The following TTC39A variants were observed in gnomAD, a reference collection of about 807,000 sequenced individuals.
The protein encoded by TTC39A is tetratricopeptide repeat protein 39A.
TTC39A carries 46 observed loss-of-function variants against 82.3 expected under a neutral mutation model. That is an observed-to-expected ratio of 0.56 (90% CI 0.44 to 0.71). The LOEUF (loss-of-function observed/expected upper bound fraction) is 0.71. Ranked by LOEUF, TTC39A falls within the 30% of genes least tolerant of loss-of-function variation. The probability of loss-of-function intolerance (pLI) is 0.00; values close to 1 mark genes in which losing one functional copy is unlikely to be tolerated. For synonymous variants in TTC39A, 254 were observed against 275.2 expected (o/e 0.92, Z 0.76); for missense variants, 543 against 712.9 (o/e 0.76, Z 2.71).
In TTC39A at chr1:51,290,045, C is replaced by T. The variant is rs749735901; in HGVS notation, c.1453G>A (p.Val485Ile). Residue 485 changes from valine to isoleucine, a missense_variant, in exon 16 of 18, where the codon GTC (valine) becomes ATC (isoleucine). By Grantham distance (29) the Val-to-Ile change is conservative. Transcript: ENST00000680483. The part of the protein sequence containing the change: ...KGLCLKYLGR[V>I]QEAEENFRSI... The stretch of plus-strand genomic sequence containing the variant: ...CTAAAATTCTCCTCGGCCTCCTGGA[C>T]ACGGCCCAGGTATTTCAGACACAGG... 1 of 1,613,970 alleles carries T rather than the reference C, an allele frequency of 6.2e-7. No homozygotes were observed. The highest frequency in any genetic ancestry group is 8.5e-7 in the Non-Finnish European group (1 of 1,179,872).
upstream of TTC39A, among the ~76,000 whole-genome samples, chr1:51,334,073 T>C (rs961152595): frequency 3.3e-5 from 5 of 151,664 alleles, no homozygotes; most frequent in Non-Finnish European, 5.9e-5. Flanking sequence ...AGAATTCATA[T>C]ATAAGCTGAG....
Position 51,303,292 on chromosome 1 carries a change from G to GAGC in TTC39A, c.655-103_655-101dup, listed in dbSNP as rs1644748150. 1.9e-5 allele frequency: 20 copies of GAGC among 1,040,692 alleles called. No individual in the cohort carries two copies. The South Asian group carries it at 2.8e-4, about 15-fold the overall frequency. The allele number at this position is 1,040,692 out of a possible 1,614,324, so 64.5% of individuals were successfully genotyped here. ...CAGTGCTGCCGGCACAGGGGCGGAA[G>GAGC]AGCACTGGAACCCTGGGGGCCAGGT... On this transcript the variant is annotated intron_variant, in intron 8 of 17. Coordinates refer to ENST00000680483, the MANE Select transcript of TTC39A (RefSeq NM_001297663.2).
At chr1:51,327,221 T>C (rs1645744137) in intron 1 of TTC39A, among the ~76,000 whole-genome samples, 1 of 151,608 alleles carries the variant, frequency 6.6e-6, no homozygotes, top group African/African-American at 2.4e-5. Context: ...GGGTGTGGGG[T>C]GGGTGAGGCG....
chr1:51,293,799 C>T lies in TTC39A; in HGVS notation c.1266+592G>A, dbSNP rs1413447848. ...CTGAGTTCAAATTCTGACTCCAACT[C>T]ACCAGCTGTGTGACCTGGGCAAGTT... is the stretch of plus-strand genomic sequence containing the variant. On this transcript the variant is annotated intron_variant, in intron 14 of 17. Coordinates refer to ENST00000680483, the MANE Select transcript of TTC39A (RefSeq NM_001297663.2). Among the ~76,000 whole-genome samples, 3 of 152,220 alleles carry T rather than the reference C, an allele frequency of 2.0e-5. No individual in the cohort carries two copies. The East Asian group carries it at 5.8e-4, about 29-fold the overall frequency.
chr1:51,326,420 G>A (rs886759490), intron 1 of TTC39A, among the ~76,000 whole-genome samples: 4 of 152,202 alleles, frequency 2.6e-5, no homozygotes, highest in African/African-American at 9.6e-5. Context: ...GGAAGACAGA[G>A]GCTCTGCAAG....
Position 51,288,177 on chromosome 1 carries a change from C to T in TTC39A, c.1714G>A (p.Val572Ile). 1.2e-6 allele frequency: 2 copies of T among 1,614,008 alleles called. No individual in the cohort carries two copies. The highest frequency in any genetic ancestry group is 2.2e-5 in the South Asian group (2 of 91,076). Residue 572 changes from valine (V) to isoleucine (I), a missense_variant, in exon 18 of 18, where the codon GTC (valine) becomes ATC (isoleucine). Physicochemically the swap from Val to Ile is conservative, Grantham distance 29 (BLOSUM62 3). Coordinates refer to ENST00000680483, the MANE Select transcript of TTC39A (RefSeq NM_001297663.2). This position sits in a 1 kb window ranked among gnomAD's most constrained non-coding sequence, Gnocchi z 4.8. The stretch of plus-strand genomic sequence containing the variant: ...CAAAGCTACAAGGACACTGATGAGA[C>T]CATGGATCTGCTGCTGTTCTCTAGG... Reference protein sequence around the residue: ...SSLENSSRSMVSSVSL With the variant: ...SSLENSSRSMISSVSL
chr1:51,307,096 T>C (rs1644900035), intron 6 of TTC39A, among the ~76,000 whole-genome samples: 1 of 152,078 alleles, frequency 6.6e-6, no homozygotes, highest in African/African-American at 2.4e-5. Context: ...GAAGGCCCAA[T>C]GACCTAAGGC....
intron 6 of TTC39A, among the ~76,000 whole-genome samples, chr1:51,306,503 C>G (rs1644873557): frequency 6.6e-6 from 1 of 152,176 alleles, no homozygotes; most frequent in Non-Finnish European, 1.5e-5. Context: ...CCTAGCTGGA[C>G]ATCCAGAATG....
Position 51,312,887 on chromosome 1 carries a change from G to T in TTC39A, c.203C>A (p.Ala68Asp), listed in dbSNP as rs1272779877. The T allele has an allele frequency of 5.0e-6, 8 of 1,613,828 alleles. No individual in the cohort carries two copies. The change falls in exon 3 of 18, where the codon GCC (alanine) becomes GAC (aspartate). Residue 68 changes from alanine to aspartate, a missense_variant. Coordinates refer to ENST00000680483, the MANE Select transcript of TTC39A (RefSeq NM_001297663.2). ...GTCCTGAGGGTCAAAGGTCATCATG[G>T]CCTGCATCTCCAGGATGGTGGCATA... ...LTYATILEMQ[A>D]MMTFDPQDIL...
chr1:51,339,053 G>A (rs1646005824), intron 1 of TTC39A, among the ~76,000 whole-genome samples: 1 of 152,188 alleles, frequency 6.6e-6, no homozygotes, highest in African/African-American at 2.4e-5. Context: ...TGTATCTGAG[G>A]AAGGACGTAT....
At chr1:51,323,896 C>A (rs1238213936) in intron 1 of TTC39A, among the ~76,000 whole-genome samples, 2 of 152,096 alleles carry the variant, frequency 1.3e-5, no homozygotes, top group Non-Finnish European at 2.9e-5. Context: ...GTTTCTGGTG[C>A]CTGCTGCTCA....
intron 14 of TTC39A, among the ~76,000 whole-genome samples, chr1:51,293,516 T>C (rs1644299694): frequency 6.6e-6 from 1 of 152,192 alleles, no homozygotes; most frequent in Non-Finnish European, 1.5e-5. Flanking sequence ...CTCTGTAAAA[T>C]GGGAAAGGAA....
chr1:51,289,718 C>A (rs1176814151), intron 16 of TTC39A, among the ~76,000 whole-genome samples: 1 of 152,186 alleles, frequency 6.6e-6, no homozygotes, highest in Non-Finnish European at 1.5e-5. Flanking sequence ...TCCCTGAGGG[C>A]AAGGATAGAG....
intron 13 of TTC39A, chr1:51,295,860 T>G: frequency 1.7e-6 from 1 of 599,616 alleles, no homozygotes; most frequent in Non-Finnish European, 3.0e-6. Context: ...AAAGAAAGCC[T>G]CTGAAGAAAG....
intron 2 of TTC39A, among the ~76,000 whole-genome samples, chr1:51,314,960 A>G (rs1407518271): frequency 6.6e-6 from 1 of 152,200 alleles, no homozygotes; most frequent in African/African-American, 2.4e-5. Context: ...ACTTCCCTGC[A>G]TAAAGTCCTT....
Position 51,308,719 on chromosome 1 carries a change from AT to A in TTC39A, c.488+541del, listed in dbSNP as rs1365799512. 8.5e-5 allele frequency among the ~76,000 whole-genome samples: 13 copies of A among 152,332 alleles called. No homozygotes were observed. The East Asian group carries it at 2.1e-3, about 25-fold the overall frequency. On this transcript the variant is annotated intron_variant, in intron 6 of 17. Coordinates refer to ENST00000680483, the MANE Select transcript of TTC39A (RefSeq NM_001297663.2). ...ACGGCCTGTGCCTGGGCCAGTTTGA[AT>A]GTCAAGGATCCAGAGATAGCATGGA... is the stretch of plus-strand genomic sequence containing the variant.
chr1:51,299,429 G>A (rs1644568149), intron 12 of TTC39A: 1 of 152,310 alleles, frequency 6.6e-6, no homozygotes, highest in South Asian at 2.1e-4. Context: ...GGCAGAGGGG[G>A]GCGCTGCCTG....
upstream of TTC39A, chr1:51,331,230 GC>G: frequency 6.5e-7 from 1 of 1,544,434 alleles, no homozygotes; most frequent in Non-Finnish European, 8.7e-7. Context: ...TTCCCCCTTG[GC>G]CCCCTCTCCC....
intron 11 of TTC39A, chr1:51,302,135 A>G: frequency 1.4e-6 from 1 of 733,098 alleles, no homozygotes; most frequent in Admixed American, 2.0e-5. Context: ...TATATCTCCC[A>G]GTCAAAATCC....
Sources: allele counts gnomAD v4.1 joint callset (sites outside exome capture counted in the v4.1 genomes callset), GRCh38; gene constraint gnomAD v4.1.1; non-coding constraint Gnocchi (gnomAD v3.1); transcripts MANE v1.5; gene names NCBI Gene and HGNC (gene_info 2026-07-23, HGNC 2026-07-21).